The following DCN variants were observed in gnomAD, a reference collection of about 807,000 sequenced individuals.
DCN encodes bone proteoglycan II.
A neutral mutation model predicts 36.5 loss-of-function variants in DCN; 17 were observed. The ratio of observed to expected loss-of-function variants is 0.47; its 90% CI spans 0.32 to 0.70. The LOEUF (loss-of-function observed/expected upper bound fraction) is 0.70, where lower values mean the gene tolerates loss of function less well. Among genes scored for constraint, DCN ranks in the 30% least tolerant of loss-of-function variants. DCN has a pLI of 0.04. For synonymous variants in DCN, 163 were observed against 161.4 expected, an observed-to-expected ratio of 1.01 and a Z score of -0.07; for missense variants, 389 against 430.1, an observed-to-expected ratio of 0.90 and a Z score of 0.84.
Position 91,153,077 on chromosome 12 carries a change from C to A in DCN, c.746+19G>T, listed in dbSNP as rs752925518. ...CCTAGCCATTGTTCTGATAGAATGT[C>A]ATGAAAGAATATTATTACTTAGCCA... is the stretch of plus-strand genomic sequence containing the variant. On this transcript the variant is annotated intron_variant, in intron 6 of 7. Transcript: ENST00000052754. 1 of 1,311,810 alleles carries A rather than the reference C, an allele frequency of 7.6e-7. No individual in the cohort carries two copies. Among genetic ancestry groups the A allele is most frequent in the South Asian group, 1.2e-5 (1 of 84,830 alleles). 81.3% of individuals were successfully genotyped at this position (1,311,810 alleles called of 1,614,324 possible). A position where few individuals can be genotyped will look rare whatever the true frequency, so the allele number is the denominator to read the frequency against.
intron 7 of DCN, among the ~76,000 whole-genome samples, chr12:91,148,721 CAAAAAAA>C (rs5799978): frequency 1.3e-3 from 62 of 49,478 alleles, no homozygotes; most frequent in Admixed American, 3.6e-3. Context: ...CGCTCCGACT[CAAAAAAA>C]AAAAAAAAAA....
chr12:91,158,105 G>A (rs1881915765), intron 4 of DCN, among the ~76,000 whole-genome samples, 191 bp downstream of exon 4: 1 of 152,188 alleles, frequency 6.6e-6, no homozygotes. Flanking sequence ...GATACTCAAG[G>A]ACATACATAA....
intron 2 of DCN, among the ~76,000 whole-genome samples, chr12:91,167,325 T>C (rs1485149604): frequency 2.6e-5 from 4 of 152,076 alleles, no homozygotes; most frequent in Non-Finnish European, 4.4e-5. Flanking sequence ...TCCTTAAATA[T>C]CAGCTAATCT....
chr12:91,168,313 T>A (rs1882717143), intron 2 of DCN, among the ~76,000 whole-genome samples: 1 of 152,206 alleles, frequency 6.6e-6, no homozygotes, highest in Non-Finnish European at 1.5e-5. Flanking sequence ...TTGAAGCATA[T>A]CCGTTATCCC....
At chr12:91,172,119 TCTGAATAAAGA>T (rs1426279326) in intron 2 of DCN, 1 of 151,942 alleles carries the variant, frequency 6.6e-6, no homozygotes, top group African/African-American at 2.4e-5. Flanking sequence ...AAAAATCATT[TCTGAATAAAGA>T]CTAGTAAGAA....
chr12:91,151,884 AT>A, intron 6 of DCN, 92 bp from the exon 7 acceptor site: 4 of 1,521,468 alleles, frequency 2.6e-6, no homozygotes, highest in Non-Finnish European at 2.7e-6. Context: ...AGGAAAGGAC[AT>A]TTTTTGTTTT....
At chr12:91,171,857 A>AT (rs945117854) in intron 2 of DCN, among the ~76,000 whole-genome samples, 1 of 151,820 alleles carries the variant, frequency 6.6e-6, no homozygotes, top group South Asian at 2.1e-4. Flanking sequence ...AGCAAATTAA[A>AT]TTTTTTTTTA....
At chr12:91,166,654 A>G (rs143488845) in intron 2 of DCN, among the ~76,000 whole-genome samples, 28 of 152,296 alleles carry the variant, frequency 1.8e-4, no homozygotes, top group African/African-American at 6.0e-4. Context: ...TAAAATTTCA[A>G]ATGTGTAGGG....
At position 91,143,553 on chromosome 12, in the gene DCN, G is replaced by A. The variant is rs1351463863; in HGVS notation, c.*2505C>T. On this transcript the variant is annotated 3_prime_UTR_variant, in exon 8 of 8. Transcript: ENST00000052754. Reference sequence around the variant, plus strand: ...TGTGCCTGTAATAACAATGGCAGTAGCAACACCATAGTTGAGCCCTTTCCA... The same window carrying A: ...TGTGCCTGTAATAACAATGGCAGTAACAACACCATAGTTGAGCCCTTTCCA... 6.6e-6 allele frequency: 1 copy of A among 152,074 alleles called. No homozygotes were observed. Among genetic ancestry groups the A allele is most frequent in the African/African-American group, 2.4e-5 (1 of 41,416 alleles). 9.4% of individuals were successfully genotyped at this position (152,074 alleles called of 1,614,324 possible).
At chr12:91,167,976 G>T (rs761374800) in intron 2 of DCN, among the ~76,000 whole-genome samples, 1 of 152,056 alleles carries the variant, frequency 6.6e-6, no homozygotes, top group Admixed American at 6.6e-5. Context: ...GACTACAGGC[G>T]TTTGCCACCA....
intron 7 of DCN, among the ~76,000 whole-genome samples, chr12:91,148,493 G>A (rs1008435572): frequency 2.6e-5 from 4 of 151,840 alleles, no homozygotes; most frequent in Non-Finnish European, 5.9e-5. Context: ...CGAGGCGGAT[G>A]GATCATGAGG....
At position 91,157,124 on chromosome 12, in the gene DCN, C is replaced by T; in HGVS notation, c.603G>A (p.Lys201=). The part of the protein sequence containing the change: ...IENGAFQGMK[K]LSYIRIADTN... ...TATCAGCAATGCGGATGTAGGAGAGCTTCTTCATTCCCTGGAAAGCCCCAT... is the reference window on the plus strand; with the variant it reads ...TATCAGCAATGCGGATGTAGGAGAGTTTCTTCATTCCCTGGAAAGCCCCAT... The change falls in exon 5 of 8, where the codon AAG becomes AAA. Residue 201 remains lysine, a synonymous_variant. Transcript: ENST00000052754. The T allele has an allele frequency of 6.2e-7, 1 of 1,613,640 alleles. No homozygotes were observed. Among genetic ancestry groups the T allele is most frequent in the Non-Finnish European group, 8.5e-7 (1 of 1,179,674 alleles).
chr12:91,167,472 GACACACAC>G lies in DCN; in HGVS notation c.212-2763_212-2756del, dbSNP rs34663648. Among the ~76,000 whole-genome samples the G allele has an allele frequency of 2.8e-5, 4 of 145,200 alleles. No individual in the cohort carries two copies. In the East Asian group the frequency reaches 6.1e-4, roughly 22 times the overall value. On this transcript the variant is annotated intron_variant, in intron 2 of 7. Transcript: ENST00000052754. ...TCAGACACACACACACAGACAGACAGACACACACACACACACACACACACACAATTTCT... is the reference window on the plus strand; with the variant it reads ...TCAGACACACACACACAGACAGACAGACACACACACACACACACAATTTCT...
intron 5 of DCN, 132 bp downstream of exon 5, chr12:91,156,943 C>A: frequency 3.0e-6 from 2 of 658,186 alleles, no homozygotes; most frequent in Non-Finnish European, 5.4e-6. Flanking sequence ...GAAACACTAG[C>A]AGTAATAGAG....
In DCN at chr12:91,158,301, A is replaced by T; in HGVS notation, c.533T>A (p.Val178Asp). 1 of 1,591,384 alleles carries T rather than the reference A, an allele frequency of 6.3e-7. No homozygotes were observed. The highest frequency in any genetic ancestry group is 8.6e-7 in the Non-Finnish European group (1 of 1,159,242). ...VTFNGLNQMI[V>D]IELGTNPLKS... ...AGTTATAAAAATGTCTGTACCTATG[A>T]CAATCATCTGGTTCAGTCCATTGAA... Residue 178 changes from valine to aspartate, a missense_variant, in exon 4 of 8, where the codon GTC becomes GAC. Coordinates refer to ENST00000052754, the MANE Select transcript of DCN (RefSeq NM_001920.5).
At chr12:91,151,392 C>T (rs970750111) in intron 7 of DCN, 15 of 430,526 alleles carry the variant, frequency 3.5e-5, no homozygotes, top group African/African-American at 2.8e-4. Context: ...ATCACCACCC[C>T]TACTGAAAAA....
At chr12:91,166,510 C>G (rs986970341) in intron 2 of DCN, among the ~76,000 whole-genome samples, 4 of 152,282 alleles carry the variant, frequency 2.6e-5, no homozygotes, top group African/African-American at 9.6e-5. Context: ...TCATTTGGAA[C>G]GTAGTTACTA....
At chr12:91,157,396 CAATGACTTATGAATAAT>C (rs912985958) in intron 4 of DCN, among the ~76,000 whole-genome samples, 1 of 152,054 alleles carries the variant, frequency 6.6e-6, no homozygotes, top group African/African-American at 2.4e-5. Context: ...GCCAAACAGA[CAATGACTTATGAATAAT>C]AATGACTTAT....
chr12:91,147,699 AAGAG>A (rs1881117690), intron 7 of DCN, among the ~76,000 whole-genome samples: 2 of 152,238 alleles, frequency 1.3e-5, no homozygotes, highest in Non-Finnish European at 2.9e-5. Flanking sequence ...GAAAAAGAAA[AAGAG>A]AGCATAAAGT....
Sources: gnomAD v4.1 joint callset for allele counts (sites outside exome capture counted in the v4.1 genomes callset) on GRCh38, gnomAD v4.1.1 for gene constraint, MANE v1.5 for transcripts, NCBI Gene and HGNC (gene_info 2026-07-23, HGNC 2026-07-21) for gene names.